The following GRM7 variants were observed in gnomAD, a reference collection of about 807,000 sequenced individuals.
The protein encoded by GRM7 is glutamate metabotropic receptor 7.
A neutral mutation model predicts 84.5 loss-of-function variants in GRM7; 35 were observed. The ratio of observed to expected loss-of-function variants is 0.41; its 90% CI spans 0.32 to 0.55. The LOEUF is 0.55. Ranked by LOEUF, GRM7 falls within the 20% of genes least tolerant of loss-of-function variation. The probability of loss-of-function intolerance (pLI) is 0.19; values close to 1 mark genes in which losing one functional copy is unlikely to be tolerated. For synonymous variants in GRM7, 487 were observed against 455.1 expected, an observed-to-expected ratio of 1.07 and a Z score of -0.89; for missense variants, 1,003 against 1,194.6, an observed-to-expected ratio of 0.84 and a Z score of 2.36.
intron 5 of GRM7, among the ~76,000 whole-genome samples, chr3:7,421,915 G>GT (rs1696412045): frequency 1.2e-5 from 1 of 86,444 alleles, no homozygotes; most frequent in Admixed American, 1.3e-4. Flanking sequence ...TCTACAAACA[G>GT]TAAAAAAAAA....
intron 8 of GRM7, among the ~76,000 whole-genome samples, chr3:7,618,227 T>C (rs1697199599): frequency 6.6e-6 from 1 of 152,156 alleles, no homozygotes; most frequent in Non-Finnish European, 1.5e-5. Flanking sequence ...AACCACTTCA[T>C]CATTCTGGGC....
rs1018509555 is a variant in GRM7 at position 7,053,551 on chromosome 3, G to GTA, written c.520-92899_520-92898dup. On this transcript the variant is annotated intron_variant, in intron 1 of 9. Coordinates refer to ENST00000357716, the MANE Select transcript of GRM7 (RefSeq NM_000844.4). The stretch of plus-strand genomic sequence containing the variant: ...TATAATTCACTTTGTCAATTTTTAT[G>GTA]TATGTTGTACAGTGAGAGCTGAAGT... Among the ~76,000 whole-genome samples, 162 of 151,662 alleles carry GTA rather than the reference G, an allele frequency of 1.1e-3. 1 individual carries two copies. The highest frequency in any genetic ancestry group is 3.5e-3 in the Middle Eastern group (1 of 286).
rs1049167832 is a variant in GRM7, at chr3:6,923,830, C to G, written c.519+61923C>G. On this transcript the variant is annotated intron_variant, in intron 1 of 9. Coordinates refer to ENST00000357716, the MANE Select transcript of GRM7 (RefSeq NM_000844.4). ...GGACTATAAATGCAGCTGACTAAAC[C>G]TCTTTAATGGCTGAACACATATCAT... Among the ~76,000 whole-genome samples, 71 of 152,114 alleles carry G rather than the reference C, an allele frequency of 4.7e-4. 4 individuals are homozygous for G. Among genetic ancestry groups the G allele is most frequent in the Non-Finnish European group, 1.5e-5 (1 of 68,018 alleles).
At chr3:6,939,061 T>C (rs1376759545) in intron 1 of GRM7, among the ~76,000 whole-genome samples, 1 of 152,204 alleles carries the variant, frequency 6.6e-6, no homozygotes, top group Non-Finnish European at 1.5e-5. Flanking sequence ...TTCATTTTGA[T>C]TTTTTCTGCA....
chr3:7,588,857 G>C (rs3804888), intron 8 of GRM7, among the ~76,000 whole-genome samples: 3,328 of 152,220 alleles, frequency 0.022, 110 homozygotes, highest in East Asian at 0.094. Flanking sequence ...GTGATCTCAC[G>C]TTAGTGATTT....
chr3:7,344,296 C>T (rs1320002193), intron 4 of GRM7, among the ~76,000 whole-genome samples: 2 of 152,062 alleles, frequency 1.3e-5, no homozygotes, highest in East Asian at 3.9e-4. Context: ...TCTATGTGTC[C>T]ATGTGTTCTC....
chr3:7,348,035 G>A (rs112382871), intron 4 of GRM7, among the ~76,000 whole-genome samples: 34 of 152,268 alleles, frequency 2.2e-4, no homozygotes, highest in African/African-American at 7.7e-4. Flanking sequence ...CTTAGCAGAT[G>A]ACTCATCCCA....
intron 1 of GRM7, among the ~76,000 whole-genome samples, chr3:6,927,783 T>C (rs1201756582): frequency 6.6e-6 from 1 of 152,180 alleles, no homozygotes; most frequent in Non-Finnish European, 1.5e-5. Context: ...TATGATCTAG[T>C]GTTCTTCATT....
At chr3:6,937,488 A>G (rs1466378814) in intron 1 of GRM7, among the ~76,000 whole-genome samples, 2 of 152,172 alleles carry the variant, frequency 1.3e-5, no homozygotes, top group Non-Finnish European at 2.9e-5. Flanking sequence ...TGCATCTAGT[A>G]TAAATAATCT....
chr3:7,227,846 G>A (rs187056757), intron 2 of GRM7, among the ~76,000 whole-genome samples: 10 of 152,270 alleles, frequency 6.6e-5, no homozygotes, highest in Non-Finnish European at 1.0e-4. Flanking sequence ...GAGAGAGGAA[G>A]GCAACATAAT....
chr3:7,301,905 G>C (rs1700015754), intron 3 of GRM7, among the ~76,000 whole-genome samples: 1 of 152,094 alleles, frequency 6.6e-6, no homozygotes. Flanking sequence ...CAGATACTTT[G>C]TCAAAGGCTA....
chr3:7,600,821 C>T (rs1483700867), intron 8 of GRM7, among the ~76,000 whole-genome samples: 1 of 152,122 alleles, frequency 6.6e-6, no homozygotes, highest in Non-Finnish European at 1.5e-5. Flanking sequence ...TCTGTGATTT[C>T]TCTTGCACAG....
At chr3:6,910,114 G>A (rs887591037) in intron 1 of GRM7, among the ~76,000 whole-genome samples, 22 of 152,026 alleles carry the variant, frequency 1.4e-4, no homozygotes, top group African/African-American at 5.3e-4. Context: ...TTAAAAACTG[G>A]CATCATCATC....
intron 1 of GRM7, among the ~76,000 whole-genome samples, chr3:6,980,730 T>C (rs1214177732): frequency 6.6e-6 from 1 of 152,194 alleles, no homozygotes; most frequent in Non-Finnish European, 1.5e-5. Context: ...AGAGTGAAAT[T>C]AGGAAAACTG....
At chr3:6,874,793 C>G (rs1441462165) in intron 1 of GRM7, among the ~76,000 whole-genome samples, 1 of 152,172 alleles carries the variant, frequency 6.6e-6, no homozygotes, top group African/African-American at 2.4e-5. Context: ...AGCCTCAGTA[C>G]TAGGAGGTAG....
intron 9 of GRM7, among the ~76,000 whole-genome samples, chr3:7,728,993 G>A (rs537841921): frequency 1.2e-3 from 175 of 150,824 alleles, no homozygotes; most frequent in Non-Finnish European, 2.3e-3. Context: ...TAAGAAACAA[G>A]TCATCCTCTC....
intron 7 of GRM7, among the ~76,000 whole-genome samples, chr3:7,499,961 A>G (rs566516354): frequency 6.6e-6 from 1 of 152,084 alleles, no homozygotes; most frequent in African/African-American, 2.4e-5. Context: ...TTTTTAGTGG[A>G]GACGGGGTTT....
intron 4 of GRM7, among the ~76,000 whole-genome samples, chr3:7,321,081 G>T (rs1700762899): frequency 2.0e-5 from 3 of 151,824 alleles, no homozygotes; most frequent in Admixed American, 1.3e-4. Context: ...CCCTAGATGA[G>T]CTTTCAATAC....
chr3:7,176,229 TAAAAAAAAAAAAAAAAA>T (rs55732650), intron 2 of GRM7, among the ~76,000 whole-genome samples: 9 of 63,142 alleles, frequency 1.4e-4, no homozygotes, highest in South Asian at 8.5e-4. Flanking sequence ...CTATAAAAAG[TAAAAAAAAAAAAAAAAA>T]AAAAAAAAAA....
Sources: gnomAD v4.1 joint callset for allele counts (sites outside exome capture counted in the v4.1 genomes callset) on GRCh38, gnomAD v4.1.1 for gene constraint, MANE v1.5 for transcripts, NCBI Gene and HGNC (gene_info 2026-07-23, HGNC 2026-07-21) for gene names.